CARMIL1: variants seen among roughly 807,000 people sequenced by gnomAD.
CARMIL1 encodes the protein capping protein regulator and myosin 1 linker 1, also known as F-actin-uncapping protein LRRC16A.
Under a neutral mutation model 177.1 loss-of-function variants are expected in CARMIL1, and 90 were observed. The observed-to-expected ratio is 0.51, with a 90% CI of 0.43 to 0.61. The LOEUF is 0.61. Among genes scored for constraint, CARMIL1 ranks in the 20% least tolerant of loss-of-function variants. The pLI, the probability that CARMIL1 is intolerant of heterozygous loss-of-function variation, is 0.00. For missense variants in CARMIL1, 1,380 were observed against 1,667.0 expected (o/e 0.83, Z 3.00); for synonymous variants, 577 against 606.2 (o/e 0.95, Z 0.71).
At chr6:25,587,586 T>C (rs565540411) in intron 31 of CARMIL1, among the ~76,000 whole-genome samples, 2 of 152,356 alleles carry the variant, frequency 1.3e-5, no homozygotes, top group East Asian at 3.9e-4. Context: ...ATAAATCTTA[T>C]ATTTGTTTTT....
chr6:25,438,064 C>T (rs769077853), intron 5 of CARMIL1, among the ~76,000 whole-genome samples: 1 of 152,196 alleles, frequency 6.6e-6, no homozygotes, highest in African/African-American at 2.4e-5. Context: ...CCACTGTTTT[C>T]CTGTTCCTGA....
chr6:25,557,549 A>G (rs1265892001), intron 29 of CARMIL1, among the ~76,000 whole-genome samples: 1 of 152,182 alleles, frequency 6.6e-6, no homozygotes, highest in Non-Finnish European at 1.5e-5. Flanking sequence ...GTTTGTGTCT[A>G]TATCATCCTC....
At chr6:25,420,270 A>G (rs1795736739) in intron 3 of CARMIL1, 106 bp downstream of exon 3, 2 of 1,006,732 alleles carry the variant, frequency 2.0e-6, no homozygotes, top group East Asian at 2.4e-5. Flanking sequence ...TCCTTCATAT[A>G]CTGCAACACA....
intron 2 of CARMIL1, among the ~76,000 whole-genome samples, chr6:25,377,950 C>G (rs558855123): frequency 6.6e-6 from 1 of 152,194 alleles, no homozygotes; most frequent in East Asian, 1.9e-4. Flanking sequence ...GGCTATAGAG[C>G]TCCGAAAAGT....
chr6:25,605,447 A>T (rs1815857006), intron 34 of CARMIL1, among the ~76,000 whole-genome samples: 1 of 152,250 alleles, frequency 6.6e-6, no homozygotes, highest in African/African-American at 2.4e-5. Flanking sequence ...TGAGAGTCTT[A>T]TGCATAGCTA....
intron 36 of CARMIL1, among the ~76,000 whole-genome samples, chr6:25,618,506 T>A (rs769228623): frequency 2.0e-5 from 3 of 152,218 alleles, no homozygotes; most frequent in Non-Finnish European, 4.4e-5. Context: ...TATGCTGGAG[T>A]ACAGCATCCG....
Position 25,279,766 on chromosome 6 carries a change from T to A in CARMIL1, c.-30T>A. On this transcript the variant is annotated 5_prime_UTR_variant, in exon 1 of 37. Coordinates refer to ENST00000329474, the MANE Select transcript of CARMIL1 (RefSeq NM_017640.6). ...GGGGGCCATAAATCAGAGTTGGACC[T>A]GCAATAACCCCCACACCTACAGGGC... 6.2e-6 allele frequency: 10 copies of A among 1,612,748 alleles called. No homozygotes were observed. The highest frequency in any genetic ancestry group is 8.5e-6 in the Non-Finnish European group (10 of 1,178,772).
intron 2 of CARMIL1, among the ~76,000 whole-genome samples, chr6:25,411,501 G>A (rs1444528839): frequency 6.6e-6 from 1 of 152,106 alleles, no homozygotes; most frequent in Non-Finnish European, 1.5e-5. Flanking sequence ...TGTATCAGCG[G>A]GTGCTTTGAA....
At chr6:25,423,182 T>G (rs1729752099) in intron 3 of CARMIL1, among the ~76,000 whole-genome samples, 1 of 152,230 alleles carries the variant, frequency 6.6e-6, no homozygotes, top group Admixed American at 6.5e-5. Context: ...CATAGATGTC[T>G]TTTCTTTGGA....
chr6:25,587,743 CTT>C (rs1044584375), intron 31 of CARMIL1, among the ~76,000 whole-genome samples: 6 of 152,158 alleles, frequency 3.9e-5, no homozygotes, highest in African/African-American at 1.4e-4. Flanking sequence ...AATTAACTAA[CTT>C]TACATACAAT....
chr6:25,388,452 C>A (rs573375951), intron 2 of CARMIL1, among the ~76,000 whole-genome samples: 1 of 152,026 alleles, frequency 6.6e-6, no homozygotes, highest in Non-Finnish European at 1.5e-5. Flanking sequence ...CTGCAACCTC[C>A]GCCTCCCGGG....
rs185427557 is a variant in CARMIL1 at position 25,400,424 on chromosome 6, C to T, written c.139-19690C>T. Among the ~76,000 whole-genome samples the T allele has an allele frequency of 1.7e-4, 26 of 152,276 alleles. No individual in the cohort carries two copies. In the East Asian group the frequency reaches 4.8e-3, roughly 28 times the overall value. On this transcript the variant is annotated intron_variant, in intron 2 of 36. Transcript: ENST00000329474. ...GAAGAATTAGAATCAGTCTTCCTTC[C>T]ATGAGTTTCCCAGGGAATCAGAGGG...
At chr6:25,575,152 G>T (rs1156836710) in intron 29 of CARMIL1, among the ~76,000 whole-genome samples, 1 of 152,180 alleles carries the variant, frequency 6.6e-6, no homozygotes, top group Non-Finnish European at 1.5e-5. Flanking sequence ...CCAGTTCTTG[G>T]ATGCCAAAGC....
rs373615996 is a variant in CARMIL1 at position 25,540,127 on chromosome 6, C to T, written c.2328+49C>T. On this transcript the variant is annotated intron_variant, in intron 26 of 36. Coordinates refer to ENST00000329474, the MANE Select transcript of CARMIL1 (RefSeq NM_017640.6). Reference sequence around the variant, plus strand: ...AAATGAAATTGTTAATATTTAACTACGCATGATAGCATTTCATTCCATAGC... The same window carrying T: ...AAATGAAATTGTTAATATTTAACTATGCATGATAGCATTTCATTCCATAGC... 3.3e-5 allele frequency: 49 copies of T among 1,498,734 alleles called. 1 individual carries two copies. The Middle Eastern group carries it at 5.5e-4, about 17-fold the overall frequency. The allele number at this position is 1,498,734 out of a possible 1,614,324, so 92.8% of individuals were successfully genotyped here.
intron 4 of CARMIL1, among the ~76,000 whole-genome samples, chr6:25,433,638 G>A (rs1179143406): frequency 6.6e-6 from 1 of 152,170 alleles, no homozygotes; most frequent in Non-Finnish European, 1.5e-5. Context: ...TTTGCCTAGA[G>A]AATTTTAAAG....
At chr6:25,598,546 CAG>C (rs1815072213) in intron 32 of CARMIL1, among the ~76,000 whole-genome samples, 1 of 152,138 alleles carries the variant, frequency 6.6e-6, no homozygotes, top group African/African-American at 2.4e-5. Flanking sequence ...GGCCATTACT[CAG>C]ATTTTTTATT....
intron 5 of CARMIL1, among the ~76,000 whole-genome samples, chr6:25,446,072 G>T (rs1351427844): frequency 2.6e-5 from 4 of 152,100 alleles, no homozygotes; most frequent in Non-Finnish European, 4.4e-5. Flanking sequence ...AGGCTTTCTT[G>T]TTCTATTGTG....
intron 35 of CARMIL1, among the ~76,000 whole-genome samples, chr6:25,607,168 A>G (rs555360531): frequency 8.9e-4 from 133 of 149,308 alleles, no homozygotes; most frequent in African/African-American, 3.2e-3. Context: ...CCAACCAAAC[A>G]AACAAAAAAA....
intron 24 of CARMIL1, among the ~76,000 whole-genome samples, chr6:25,532,632 C>T (rs1278139703): frequency 2.0e-5 from 3 of 152,136 alleles, no homozygotes; most frequent in Admixed American, 1.3e-4. Context: ...TCAGGTGACA[C>T]CAAAGGCATT....
Sources: allele counts gnomAD v4.1 joint callset (sites outside exome capture counted in the v4.1 genomes callset), GRCh38; gene constraint gnomAD v4.1.1; transcripts MANE v1.5; gene names NCBI Gene and HGNC (gene_info 2026-07-23, HGNC 2026-07-21).